Variants in PROSER1 observed in about 807,000 individuals in gnomAD.
PROSER1 encodes proline and serine rich 1.
Under a neutral mutation model 71.8 loss-of-function variants are expected in PROSER1, and 36 were observed. That is an observed-to-expected ratio of 0.50 (90% confidence interval 0.38 to 0.66). The LOEUF (loss-of-function observed/expected upper bound fraction) is 0.66. Ranked by LOEUF, PROSER1 falls within the 30% of genes least tolerant of loss-of-function variation. PROSER1 has a pLI of 0.00. For synonymous variants in PROSER1, 490 were observed against 452.4 expected (o/e 1.08, Z -1.06); for missense variants, 1,107 against 1,135.0 (o/e 0.98, Z 0.35).
rs73169461 is a variant in PROSER1, at chr13:39,011,454, C to G, written c.2746G>C (p.Ala916Pro). 1 of 1,613,914 alleles carries G rather than the reference C, an allele frequency of 6.2e-7. No individual in the cohort carries two copies. Among genetic ancestry groups the G allele is most frequent in the African/African-American group, 1.3e-5 (1 of 74,916 alleles). Residue 916 changes from alanine (A) to proline (P), a missense_variant, in exon 13 of 13, where the codon GCT becomes CCT. By Grantham distance (27) the Ala-to-Pro change is conservative. Coordinates refer to ENST00000352251, the MANE Select transcript of PROSER1 (RefSeq NM_025138.5). ...TAACTAGGAAACCCATCAGGCTGAGCTGGATAGCTTTCCAGAGCCGAAGCT... is the reference window on the plus strand; with the variant it reads ...TAACTAGGAAACCCATCAGGCTGAGGTGGATAGCTTTCCAGAGCCGAAGCT... ...HSASALESYP[A>P]QPDGFPSYPS...
Position 39,037,605 on chromosome 13 carries a change from C to T in PROSER1, c.-363G>A. On this transcript the variant is annotated 5_prime_UTR_variant, in exon 1 of 13. Coordinates refer to ENST00000352251, the MANE Select transcript of PROSER1 (RefSeq NM_025138.5). ...TTCCCTGCAGCTGAGGGCCAGGTGCCGCCAGAGGTAGCTCTTGAAGGCGCT... is the reference window on the plus strand; with the variant it reads ...TTCCCTGCAGCTGAGGGCCAGGTGCTGCCAGAGGTAGCTCTTGAAGGCGCT... 5.2e-6 allele frequency: 1 copy of T among 191,448 alleles called. No homozygotes were observed. Among genetic ancestry groups the T allele is most frequent in the South Asian group, 1.3e-4 (1 of 7,810 alleles). The allele number at this position is 191,448 out of a possible 1,614,324, so 11.9% of individuals were successfully genotyped here.
Position 39,037,508 on chromosome 13 carries a change from C to A in PROSER1, c.-266G>T, listed in dbSNP as rs1871179009. 1 of 372,006 alleles carries A rather than the reference C, an allele frequency of 2.7e-6. No individual in the cohort carries two copies. 23.0% of individuals were successfully genotyped at this position (372,006 alleles called of 1,614,324 possible). A position where few individuals can be genotyped will look rare whatever the true frequency, so the allele number is the denominator to read the frequency against. ...AGCTTATTCACACAATGGTTCAGGG[C>A]ACCTCGGGCAAGAGCCAGGTCCTCT... On this transcript the variant is annotated 5_prime_UTR_variant, in exon 1 of 13. Coordinates refer to ENST00000352251, the MANE Select transcript of PROSER1 (RefSeq NM_025138.5).
chr13:39,012,591 T>A, intron 11 of PROSER1, 100 bp downstream of exon 11: 1 of 1,011,702 alleles, frequency 9.9e-7, no homozygotes, highest in African/African-American at 1.6e-5. Flanking sequence ...CAGAAAAACA[T>A]CATTTAGATT....
chr13:39,037,280 T>C lies in PROSER1; in HGVS notation c.-38A>G, dbSNP rs1566030781. The C allele has an allele frequency of 1.3e-6, 2 of 1,512,806 alleles. No homozygotes were observed. The highest frequency in any genetic ancestry group is 1.8e-6 in the Non-Finnish European group (2 of 1,087,856). 93.7% of individuals were successfully genotyped at this position (1,512,806 alleles called of 1,614,324 possible). A position where few individuals can be genotyped will look rare whatever the true frequency, so the allele number is the denominator to read the frequency against. ...CCCGACGTGGTTTTAACAGTTATAC[T>C]TGCAATTAAAAGACGTTCATCCCTG... On this transcript the variant is annotated 5_prime_UTR_variant, in exon 1 of 13. Transcript: ENST00000352251.
At chr13:39,032,557 G>C (rs1332704174) in intron 2 of PROSER1, among the ~76,000 whole-genome samples, 1 of 152,184 alleles carries the variant, frequency 6.6e-6, no homozygotes, top group Non-Finnish European at 1.5e-5. Context: ...GCAAACTGGA[G>C]TGGTATGTAA....
At chr13:39,028,389 T>C in intron 4 of PROSER1, 69 bp from the exon 5 acceptor site, 2 of 821,172 alleles carry the variant, frequency 2.4e-6, no homozygotes, top group Non-Finnish European at 4.1e-6. Flanking sequence ...GCAACCTTTG[T>C]TTACCACACA....
At position 39,012,788 on chromosome 13, in the gene PROSER1, G is replaced by A. The variant is rs761563804; in HGVS notation, c.2464C>T (p.Pro822Ser). The A allele has an allele frequency of 1.9e-5, 31 of 1,614,076 alleles. No individual in the cohort carries two copies. In the South Asian group the frequency reaches 3.2e-4, roughly 17 times the overall value. Residue 822 changes from proline (P) to serine (S), a missense_variant, in exon 11 of 13, where the codon CCT becomes TCT. Coordinates refer to ENST00000352251, the MANE Select transcript of PROSER1 (RefSeq NM_025138.5). ...PSTVAAVTPL[P>S]VAATAPSPAP... ...GGGGATGGGGCTGTGGCAGCCACAG[G>A]TAGTGGTGTGACAGCTGCGACTGTA...
At chr13:39,019,282 G>A (rs965140713) in intron 9 of PROSER1, among the ~76,000 whole-genome samples, 4 of 150,726 alleles carry the variant, frequency 2.7e-5, no homozygotes, top group Admixed American at 6.6e-5. Flanking sequence ...TAGGCAGATC[G>A]CCTGAGGTCA....
At chr13:39,017,800 T>C (rs1438039870) in intron 9 of PROSER1, 2 of 356,776 alleles carry the variant, frequency 5.6e-6, no homozygotes, top group African/African-American at 4.4e-5. Context: ...TCCCCTAGCA[T>C]CTCTACCTTA....
chr13:39,011,272 G>T lies in PROSER1; in HGVS notation c.*93C>A. 1.5e-6 allele frequency: 2 copies of T among 1,333,482 alleles called. No homozygotes were observed. Among genetic ancestry groups the T allele is most frequent in the Non-Finnish European group, 2.1e-6 (2 of 960,740 alleles). 82.6% of individuals were successfully genotyped at this position (1,333,482 alleles called of 1,614,324 possible). On this transcript the variant is annotated 3_prime_UTR_variant, in exon 13 of 13. Transcript: ENST00000352251. ...AGGATTACCCTCATTCTCATTTTCC[G>T]ACTTTTGGCCAGCTTCACATTTGTC...
rs1395529526 is a variant in PROSER1 at position 39,037,384 on chromosome 13, TAG to T, written c.-144_-143del. The stretch of plus-strand genomic sequence containing the variant: ...ACGAGCAAGAGAGGATGCGAAGAGG[TAG>T]AGAGTATTGCAAACTTCGCAAAAAA... On this transcript the variant is annotated 5_prime_UTR_variant, in exon 1 of 13. Transcript: ENST00000352251. The T allele has an allele frequency of 8.4e-5, 56 of 665,286 alleles. No individual in the cohort carries two copies. Among genetic ancestry groups the T allele is most frequent in the Admixed American group, 1.7e-4 (6 of 35,652 alleles). The allele number at this position is 665,286 out of a possible 1,614,324, so 41.2% of individuals were successfully genotyped here.
At position 39,013,074 on chromosome 13, in the gene PROSER1, T is replaced by C; in HGVS notation, c.2178A>G (p.Ile726Met). ...NPSVSLPGSL[I>M]ATSSTAATST... ...AGGTGGCAGCGGTAGATGAGGTGGC[T>C]ATTAATGACCCTGGGAGAGATACTG... is the stretch of plus-strand genomic sequence containing the variant. The change falls in exon 11 of 13, where the codon ATA (isoleucine) becomes ATG (methionine). Residue 726 changes from isoleucine (I) to methionine (M), a missense_variant. By Grantham distance (10) the Ile-to-Met change is conservative (BLOSUM62 1). Transcript: ENST00000352251. 1 of 1,614,130 alleles carries C rather than the reference T, an allele frequency of 6.2e-7. No homozygotes were observed. The highest frequency in any genetic ancestry group is 8.5e-7 in the Non-Finnish European group (1 of 1,180,036).
chr13:39,020,908 T>A (rs1038304042), intron 9 of PROSER1, among the ~76,000 whole-genome samples: 1 of 152,196 alleles, frequency 6.6e-6, no homozygotes, highest in African/African-American at 2.4e-5. Context: ...GAGCCCTTCC[T>A]CTCCATGGTA....
chr13:39,012,601 T>G, intron 11 of PROSER1, 90 bp downstream of exon 11: 105 of 1,033,990 alleles, frequency 1.0e-4, no homozygotes, highest in Non-Finnish European at 1.4e-4. Flanking sequence ...TCATTTAGAT[T>G]TTGACATTCA....
Position 39,013,971 on chromosome 13 carries a change from T to C in PROSER1, c.1281A>G (p.Ser427=), listed in dbSNP as rs1869856606. 14 of 1,614,042 alleles carry C rather than the reference T, an allele frequency of 8.7e-6. No homozygotes were observed. The highest frequency in any genetic ancestry group is 1.1e-5 in the Non-Finnish European group (13 of 1,180,018). The change falls in exon 11 of 13, where the codon TCA becomes TCG. Residue 427 remains serine, a synonymous_variant. Coordinates refer to ENST00000352251, the MANE Select transcript of PROSER1 (RefSeq NM_025138.5). The part of the protein sequence containing the change: ...TSNPNSASLS[S]VFAGLPLPLP... ...AGGGCAAAGGGAGCCCTGCAAAAAC[T>C]GATGACAATGAAGCAGAATTTGGGT... is the stretch of plus-strand genomic sequence containing the variant.
At chr13:39,032,784 C>G (rs984838077) in intron 2 of PROSER1, among the ~76,000 whole-genome samples, 2 of 152,062 alleles carry the variant, frequency 1.3e-5, no homozygotes, top group Non-Finnish European at 2.9e-5. Context: ...ATACAATAAG[C>G]TCATTTAGAA....
intron 12 of PROSER1, among the ~76,000 whole-genome samples, 188 bp downstream of exon 12, chr13:39,011,895 C>T (rs1469075478): frequency 6.6e-6 from 1 of 152,218 alleles, no homozygotes; most frequent in African/African-American, 2.4e-5. Context: ...ACCTCTGTTA[C>T]TCTCCTGAAA....
At position 39,014,294 on chromosome 13, in the gene PROSER1, C is replaced by A. The variant is rs1397951246; in HGVS notation, c.958G>T (p.Val320Phe). 1 of 1,613,994 alleles carries A rather than the reference C, an allele frequency of 6.2e-7. No homozygotes were observed. The highest frequency in any genetic ancestry group is 8.5e-7 in the Non-Finnish European group (1 of 1,180,000). ...NTVLPVFPGQ[V>F]SSAVHTPQPS... Reference sequence around the variant, plus strand: ...TGAGGTGTGTGAACGGCTGAGGAGACCTGCCCTGGGAACACAGGAAGGACA... The same window carrying A: ...TGAGGTGTGTGAACGGCTGAGGAGAACTGCCCTGGGAACACAGGAAGGACA... The change falls in exon 11 of 13, where the codon GTC (valine) becomes TTC (phenylalanine). Residue 320 changes from valine (V) to phenylalanine (F), a missense_variant. Coordinates refer to ENST00000352251, the MANE Select transcript of PROSER1 (RefSeq NM_025138.5).
At position 39,012,092 on chromosome 13, in the gene PROSER1, C is replaced by T. The variant is rs1412302170; in HGVS notation, c.2703G>A (p.Leu901=). 7 of 1,613,450 alleles carry T rather than the reference C, an allele frequency of 4.3e-6. No homozygotes were observed. The highest frequency in any genetic ancestry group is 5.9e-6 in the Non-Finnish European group (7 of 1,179,814). The change falls in exon 12 of 13, where the codon TTG becomes TTA. Residue 901 remains leucine, a synonymous_variant. Transcript: ENST00000352251. ...LQHNAAAQSA[L]LQQVHSASAL... The stretch of plus-strand genomic sequence containing the variant: ...AGCCATTGCTGCTTACCTGCTGTAA[C>T]AATGCTGACTGCGCAGCCGCATTAT...
Sources: allele counts gnomAD v4.1 joint callset (sites outside exome capture counted in the v4.1 genomes callset), GRCh38; gene constraint gnomAD v4.1.1; transcripts MANE v1.5; gene names NCBI Gene and HGNC (gene_info 2026-07-23, HGNC 2026-07-21).